Variants in A1CF observed in about 807,000 individuals in gnomAD.
A1CF encodes the protein APOBEC-1 stimulating protein.
A1CF carries 48 observed loss-of-function variants against 68.9 expected under a neutral mutation model. The ratio of observed to expected loss-of-function variants is 0.70; its 90% CI spans 0.55 to 0.89. The LOEUF is 0.89. Ranked by LOEUF, A1CF falls within the 40% of genes least tolerant of loss-of-function variation. The pLI is 0.00. For missense variants in A1CF, 653 were observed against 718.9 expected (o/e 0.91, Z 1.05); for synonymous variants, 272 against 260.4 (o/e 1.04, Z -0.43).
intron 1 of A1CF, among the ~76,000 whole-genome samples, chr10:50,871,829 T>C (rs1217708304): frequency 6.6e-6 from 1 of 152,048 alleles, no homozygotes; most frequent in Non-Finnish European, 1.5e-5. Flanking sequence ...GAAGTAAATA[T>C]AGTAGAGTGT....
intron 2 of A1CF, among the ~76,000 whole-genome samples, chr10:50,860,776 A>G (rs1840708512): frequency 6.6e-6 from 1 of 152,182 alleles, no homozygotes; most frequent in Non-Finnish European, 1.5e-5. Context: ...TCCAAATATG[A>G]TGGTTGCTCA....
At chr10:50,848,210 G>C (rs555625153) in intron 3 of A1CF, among the ~76,000 whole-genome samples, 1 of 152,054 alleles carries the variant, frequency 6.6e-6, no homozygotes, top group Non-Finnish European at 1.5e-5. Context: ...ATATGAAGAC[G>C]CTTGTAGTTC....
intron 3 of A1CF, among the ~76,000 whole-genome samples, chr10:50,849,786 CTTTT>C (rs71949925): frequency 1.2e-5 from 1 of 83,654 alleles, no homozygotes. Flanking sequence ...TTAATGAATT[CTTTT>C]TTTTTTTTTT....
chr10:50,872,946 CTTTTTTTTTTTTT>C lies in A1CF; in HGVS notation c.-93-8879_-93-8867del, dbSNP rs34770362. 1.3e-4 allele frequency among the ~76,000 whole-genome samples: 9 copies of C among 67,306 alleles called. No individual in the cohort carries two copies. In the East Asian group the frequency reaches 1.5e-3, roughly 11 times the overall value. 44.2% of individuals were successfully genotyped at this position (67,306 alleles called of 152,430 possible). A position where few individuals can be genotyped will look rare whatever the true frequency, so the allele number is the denominator to read the frequency against. The stretch of plus-strand genomic sequence containing the variant: ...TACTTTTATTCTTATATTTAAGTTC[CTTTTTTTTTTTTT>C]TTTTTTTTTTTTTTGAGACAGAATC... On this transcript the variant is annotated intron_variant, in intron 1 of 12. Coordinates refer to ENST00000373997, the MANE Select transcript of A1CF (RefSeq NM_014576.4).
chr10:50,858,456 T>C (rs1840588897), intron 3 of A1CF, among the ~76,000 whole-genome samples: 1 of 152,150 alleles, frequency 6.6e-6, no homozygotes, highest in Non-Finnish European at 1.5e-5. Flanking sequence ...CTTGTATTTA[T>C]ACATTTAAGT....
At chr10:50,850,723 C>T in intron 3 of A1CF, 1 of 1,614,084 alleles carries the variant, frequency 6.2e-7, no homozygotes, top group Non-Finnish European at 8.5e-7. Flanking sequence ...TTTTTTGAGG[C>T]CAGGAATTGC....
rs1838593514 is a variant in A1CF, at chr10:50,820,457, G to C, written c.867+95C>G. 3.0e-6 allele frequency: 3 copies of C among 993,334 alleles called. No homozygotes were observed. The Admixed American group carries it at 7.1e-5, about 23-fold the overall frequency. The allele number at this position is 993,334 out of a possible 1,614,324, so 61.5% of individuals were successfully genotyped here. On this transcript the variant is annotated intron_variant, in intron 8 of 12. Coordinates refer to ENST00000373997, the MANE Select transcript of A1CF (RefSeq NM_014576.4). The stretch of plus-strand genomic sequence containing the variant: ...TGAGGCAGCCATGTCAGAGAAGGCT[G>C]GAGTGAGACAGGCTTGCAGGACTGT...
intron 3 of A1CF, among the ~76,000 whole-genome samples, chr10:50,851,527 C>A (rs1282414187): frequency 6.6e-6 from 1 of 152,130 alleles, no homozygotes; most frequent in Admixed American, 6.5e-5. Context: ...AGTGGAATAT[C>A]AGTATCATTT....
At chr10:50,880,392 C>T (rs1233333926) in intron 1 of A1CF, among the ~76,000 whole-genome samples, 17 of 152,142 alleles carry the variant, frequency 1.1e-4, no homozygotes, top group Admixed American at 6.5e-4. Context: ...ACCTATGTGC[C>T]TGGCATGTGG....
chr10:50,821,903 T>G (rs1838695936), intron 7 of A1CF, among the ~76,000 whole-genome samples: 1 of 152,148 alleles, frequency 6.6e-6, no homozygotes, highest in Non-Finnish European at 1.5e-5. Flanking sequence ...ATTTGTGTTT[T>G]TAATAATCCA....
At chr10:50,883,880 T>C (rs1329576726) in intron 1 of A1CF, among the ~76,000 whole-genome samples, 1 of 152,216 alleles carries the variant, frequency 6.6e-6, no homozygotes, top group Admixed American at 6.5e-5. Context: ...CTGAGCCTGT[T>C]AGGTAATTTG....
intron 6 of A1CF, among the ~76,000 whole-genome samples, chr10:50,829,802 G>C (rs1001702981): frequency 6.6e-6 from 1 of 152,096 alleles, no homozygotes; most frequent in Non-Finnish European, 1.5e-5. Flanking sequence ...TATTGGGTGA[G>C]GTTTAAAAAA....
At chr10:50,876,339 GC>G (rs1157829283) in intron 1 of A1CF, among the ~76,000 whole-genome samples, 4 of 152,160 alleles carry the variant, frequency 2.6e-5, no homozygotes, top group South Asian at 4.1e-4. Flanking sequence ...AAATTGTCCA[GC>G]CTGTGCTCCA....
At position 50,810,017 on chromosome 10, in the gene A1CF, T is replaced by C; in HGVS notation, c.1486A>G (p.Ser496Gly). The change falls in exon 12 of 13, where the codon AGT becomes GGT. Residue 496 changes from serine to glycine, a missense_variant. Ser to Gly is a moderately conservative substitution (Grantham distance 56, BLOSUM62 0). Transcript: ENST00000373997. ...AIHPFTPPKL[S>G]AFVDEAKTYA... is the part of the protein sequence containing the mutation. ...GTCTTTGCTTCATCCACAAAGGCAC[T>C]CAGCTTTGGAGGTGTGAAAGGGTGG... 2 of 1,613,918 alleles carry C rather than the reference T, an allele frequency of 1.2e-6. No homozygotes were observed. The highest frequency in any genetic ancestry group is 1.7e-6 in the Non-Finnish European group (2 of 1,179,890).
chr10:50,853,643 C>T (rs12244595), intron 3 of A1CF, among the ~76,000 whole-genome samples: 2 of 151,844 alleles, frequency 1.3e-5, no homozygotes, highest in African/African-American at 4.8e-5. Context: ...AGGGATGCAC[C>T]TACTTCTTTT....
At chr10:50,855,088 A>T (rs549547809) in intron 3 of A1CF, among the ~76,000 whole-genome samples, 1 of 151,948 alleles carries the variant, frequency 6.6e-6, no homozygotes, top group Non-Finnish European at 1.5e-5. Flanking sequence ...GTGGAAGTGT[A>T]TATTTTTCTG....
chr10:50,859,877 C>A lies in A1CF; in HGVS notation c.64G>T (p.Ala22Ser), dbSNP rs1328852242. Residue 22 changes from alanine to serine, a missense_variant, in exon 3 of 13, where the codon GCA becomes TCA. Coordinates refer to ENST00000373997, the MANE Select transcript of A1CF (RefSeq NM_014576.4). ...SGTQKEAALR[A>S]LVQRTGYSLV... ...CTATATCCTGTGCGCTGGACCAGTG[C>A]GCGGAGGGCTGCTTCCTTCTGAGTG... 4 of 1,613,876 alleles carry A rather than the reference C, an allele frequency of 2.5e-6. No homozygotes were observed. The highest frequency in any genetic ancestry group is 1.3e-5 in the African/African-American group (1 of 74,896).
intron 5 of A1CF, among the ~76,000 whole-genome samples, chr10:50,838,564 T>C (rs1015877411): frequency 1.3e-5 from 2 of 152,154 alleles, no homozygotes; most frequent in Non-Finnish European, 2.9e-5. Context: ...CCGGAATTAT[T>C]TGGAGACAAA....
chr10:50,868,812 CT>C (rs1305286380), intron 1 of A1CF, among the ~76,000 whole-genome samples: 2 of 152,102 alleles, frequency 1.3e-5, no homozygotes, highest in Non-Finnish European at 2.9e-5. Context: ...CTGTAGCAAA[CT>C]TACACAGGGA....
Sources: gnomAD v4.1 joint callset for allele counts (sites outside exome capture counted in the v4.1 genomes callset) on GRCh38, gnomAD v4.1.1 for gene constraint, MANE v1.5 for transcripts, NCBI Gene and HGNC (gene_info 2026-07-23, HGNC 2026-07-21) for gene names.